RGS17: variants seen among roughly 807,000 people sequenced by gnomAD.
RGS17 encodes regulator of G-protein signaling 17.
RGS17 carries 12 observed loss-of-function variants against 25.5 expected under a neutral mutation model. The observed-to-expected ratio is 0.47, with a 90% CI of 0.30 to 0.76. RGS17 has a LOEUF of 0.76. RGS17 is among the 30% of genes least tolerant of loss of function. The pLI is 0.07. For synonymous variants in RGS17, 71 were observed against 76.9 expected, an observed-to-expected ratio of 0.92 and a Z score of 0.40; for missense variants, 196 against 242.2, an observed-to-expected ratio of 0.81 and a Z score of 1.27.
chr6:153,112,619 C>T (rs1388482010), intron 1 of RGS17, among the ~76,000 whole-genome samples: 2 of 152,038 alleles, frequency 1.3e-5, no homozygotes, highest in Admixed American at 6.6e-5. Flanking sequence ...GACACCTAAT[C>T]GTCAGATTCA....
At chr6:153,043,392 T>A (rs147035121) in intron 2 of RGS17, among the ~76,000 whole-genome samples, 118 of 152,154 alleles carry the variant, frequency 7.8e-4, no homozygotes, top group African/African-American at 2.8e-3. Context: ...CTGTCCTTAT[T>A]GGCAGGAATT....
chr6:153,121,527 G>A (rs901779373), intron 1 of RGS17, among the ~76,000 whole-genome samples: 1 of 152,098 alleles, frequency 6.6e-6, no homozygotes, highest in Non-Finnish European at 1.5e-5. Flanking sequence ...CAGTGGCAAT[G>A]AGCAGACAAG....
intron 1 of RGS17, among the ~76,000 whole-genome samples, chr6:153,116,479 T>C (rs1434111550): frequency 1.3e-5 from 2 of 151,912 alleles, no homozygotes; most frequent in Admixed American, 1.3e-4. Context: ...TTGGTGGGAG[T>C]GTAAATTAGT....
intron 4 of RGS17, among the ~76,000 whole-genome samples, chr6:153,017,983 T>C (rs923457645): frequency 1.3e-4 from 20 of 152,246 alleles, no homozygotes; most frequent in African/African-American, 4.8e-4. Flanking sequence ...CATTTTTACT[T>C]TGTGTACATT....
intron 1 of RGS17, among the ~76,000 whole-genome samples, chr6:153,101,628 C>T (rs763977819): frequency 1.3e-5 from 2 of 152,084 alleles, no homozygotes; most frequent in Non-Finnish European, 2.9e-5. Context: ...CTCTGCGTCC[C>T]CACCCAAGTC....
rs1421035865 is a variant in RGS17, at chr6:153,043,955, G to A, written c.64C>T (p.Gln22Ter). The A allele has an allele frequency of 6.2e-7, 1 of 1,613,212 alleles. No individual in the cohort carries two copies. Among genetic ancestry groups the A allele is most frequent in the Admixed American group, 1.7e-5 (1 of 59,862 alleles). Residue 22 changes from glutamine to a stop codon, truncating the protein, a stop_gained, in exon 2 of 5, where the codon CAG becomes TAG. Transcript: ENST00000206262. LOFTEE classifies it high-confidence loss of function. Reference protein sequence around the residue: ...TPAVSQAPGNQRPNNTCCFCW... With the variant: ...TPAVSQAPGN ...AAGCAACAGGTGTTGTTGGGCCTCT[G>A]GTTTCCAGGAGCTTGAGACACGGCA...
chr6:153,089,788 C>T (rs1213917715), intron 1 of RGS17, among the ~76,000 whole-genome samples: 1 of 151,968 alleles, frequency 6.6e-6, no homozygotes, highest in South Asian at 2.1e-4. Context: ...ACACCTATAC[C>T]TGTATATGTA....
chr6:153,105,870 G>C (rs1777372743), intron 1 of RGS17, among the ~76,000 whole-genome samples: 1 of 152,162 alleles, frequency 6.6e-6, no homozygotes, highest in South Asian at 2.1e-4. Context: ...GTAGGTAATG[G>C]GGAGGCACTG....
intron 2 of RGS17, among the ~76,000 whole-genome samples, chr6:153,035,390 T>C (rs1001748156): frequency 6.6e-6 from 1 of 152,198 alleles, no homozygotes; most frequent in African/African-American, 2.4e-5. Context: ...GATTGTCTTA[T>C]CTGACAAAAA....
intron 1 of RGS17, among the ~76,000 whole-genome samples, chr6:153,055,910 C>G (rs1466271756): frequency 2.0e-5 from 3 of 152,088 alleles, no homozygotes; most frequent in African/African-American, 7.2e-5. Flanking sequence ...AACCATCTCA[C>G]AGGTTGAACA....
rs1779106018 is a variant in RGS17 at position 153,009,095 on chromosome 6, A to G, written c.*2479T>C. The G allele has an allele frequency of 6.6e-6, 1 of 152,192 alleles. No homozygotes were observed. Among genetic ancestry groups the G allele is most frequent in the Non-Finnish European group, 1.5e-5 (1 of 67,998 alleles). 9.4% of individuals were successfully genotyped at this position (152,192 alleles called of 1,614,324 possible). A position where few individuals can be genotyped will look rare whatever the true frequency, so the allele number is the denominator to read the frequency against. ...TCTGTGTTCTACAAATGCCCAGGTT[A>G]GAGATTAGGACTCTTTATAACGGCC... On this transcript the variant is annotated 3_prime_UTR_variant, in exon 5 of 5. Transcript: ENST00000206262.
chr6:153,034,978 T>G (rs913026187), intron 2 of RGS17, among the ~76,000 whole-genome samples: 1 of 146,140 alleles, frequency 6.8e-6, no homozygotes, highest in Non-Finnish European at 1.5e-5. Context: ...GGTGAAACCC[T>G]GTCTCCACTA....
intron 1 of RGS17, among the ~76,000 whole-genome samples, chr6:153,051,166 C>T (rs566862337): frequency 2.0e-5 from 3 of 152,308 alleles, no homozygotes; most frequent in African/African-American, 7.2e-5. Context: ...ATTATAGCAG[C>T]CCAAACTAAG....
At position 153,073,005 on chromosome 6, in the gene RGS17, G is replaced by A. The variant is rs185901894; in HGVS notation, c.-25-28962C>T. On this transcript the variant is annotated intron_variant, in intron 1 of 4. Coordinates refer to ENST00000206262, the MANE Select transcript of RGS17 (RefSeq NM_012419.5). ...ACTCAGAAAATCAGCAAACATGCAT[G>A]TATTAAGTTCCTACTACACACACAT... is the stretch of plus-strand genomic sequence containing the variant. 6.6e-5 allele frequency among the ~76,000 whole-genome samples: 10 copies of A among 152,256 alleles called. No homozygotes were observed. The East Asian group carries it at 1.9e-3, about 29-fold the overall frequency.
intron 4 of RGS17, among the ~76,000 whole-genome samples, chr6:153,016,736 C>T (rs1779188913): frequency 1.3e-5 from 2 of 152,118 alleles, no homozygotes; most frequent in East Asian, 1.9e-4. Flanking sequence ...AAAAGGCTGT[C>T]GATCAGTCAA....
At chr6:153,104,805 A>G (rs1226803620) in intron 1 of RGS17, among the ~76,000 whole-genome samples, 1 of 151,508 alleles carries the variant, frequency 6.6e-6, no homozygotes, top group African/African-American at 2.4e-5. Context: ...CCTGGGCTAC[A>G]GAGCGAGACT....
chr6:153,108,180 A>C (rs1777412781), intron 1 of RGS17, among the ~76,000 whole-genome samples: 1 of 152,178 alleles, frequency 6.6e-6, no homozygotes, highest in Admixed American at 6.5e-5. Flanking sequence ...TGAGCACATT[A>C]TACAGCCTCC....
chr6:153,124,183 T>G (rs1311731367), intron 1 of RGS17, among the ~76,000 whole-genome samples: 1 of 152,178 alleles, frequency 6.6e-6, no homozygotes, highest in African/African-American at 2.4e-5. Context: ...CTTCAAAGCT[T>G]AGAATGACCA....
intron 3 of RGS17, among the ~76,000 whole-genome samples, chr6:153,024,837 ACTGT>A (rs1017934141): frequency 1.7e-4 from 26 of 152,182 alleles, no homozygotes; most frequent in South Asian, 2.1e-4. Context: ...GTTGATAGAA[ACTGT>A]CTGTAAGTGA....
Sources: gnomAD v4.1 joint callset for allele counts (sites outside exome capture counted in the v4.1 genomes callset) on GRCh38, gnomAD v4.1.1 for gene constraint, MANE v1.5 for transcripts, NCBI Gene and HGNC (gene_info 2026-07-23, HGNC 2026-07-21) for gene names.